PRCC: variants seen among roughly 807,000 people sequenced by gnomAD.
PRCC encodes proline-rich protein PRCC.
Under a neutral mutation model 44.0 loss-of-function variants are expected in PRCC, and 10 were observed. The ratio of observed to expected loss-of-function variants is 0.23; its 90% CI spans 0.14 to 0.39. PRCC has a LOEUF of 0.39. PRCC is among the 10% of genes least tolerant of loss of function. The pLI is 1.00. For missense variants in PRCC, 573 were observed against 624.7 expected (o/e 0.92, Z 0.88); for synonymous variants, 278 against 259.5 (o/e 1.07, Z -0.69).
At chr1:156,791,438 T>A in intron 3 of PRCC, 1 of 518,862 alleles carries the variant, frequency 1.9e-6, no homozygotes, top group Non-Finnish European at 3.5e-6. Context: ...GGAGAGACTG[T>A]CTTTGTTTCT....
chr1:156,787,501 GTT>G (rs143480655), intron 3 of PRCC, among the ~76,000 whole-genome samples: 1 of 117,464 alleles, frequency 8.5e-6, no homozygotes, highest in Non-Finnish European at 1.7e-5. Context: ...ATATATATCT[GTT>G]TTTTTTTCTT....
At chr1:156,787,214 A>C in intron 3 of PRCC, 40 bp downstream of exon 3, 1 of 1,551,098 alleles carries the variant, frequency 6.4e-7, no homozygotes, top group Non-Finnish European at 8.7e-7. Flanking sequence ...GGAATGTTGG[A>C]ACATGGTGGT....
chr1:156,781,243 GCA>G (rs1356425009), intron 1 of PRCC, among the ~76,000 whole-genome samples: 1 of 152,168 alleles, frequency 6.6e-6, no homozygotes, highest in Non-Finnish European at 1.5e-5. Context: ...ACAGTACTTA[GCA>G]CAGTGTCTTG....
At chr1:156,791,596 T>C (rs1652473683) in intron 3 of PRCC, 101 bp from the exon 4 acceptor site, 11 of 1,065,184 alleles carry the variant, frequency 1.0e-5, no homozygotes, top group African/African-American at 3.2e-5. Context: ...TATCTCACCA[T>C]TGCCTCTTTG....
chr1:156,795,285 G>GTTTTTTTTTTTTTTTT lies in PRCC; in HGVS notation c.1323+486_1323+501dup, dbSNP rs35911411. Among the ~76,000 whole-genome samples the GTTTTTTTTTTTTTTTT allele has an allele frequency of 2.2e-4, 8 of 36,062 alleles. 3 individuals carry two copies. Among genetic ancestry groups the GTTTTTTTTTTTTTTTT allele is most frequent in the African/African-American group, 8.4e-4 (6 of 7,174 alleles). The allele number at this position is 36,062 out of a possible 152,430, so 23.7% of individuals were successfully genotyped here. ...CTTCCAATTGTTTTCATTTTCTGGTGTTTTTTTTTTTTTTTTTTTTTTTTC... is the reference window on the plus strand; with the variant it reads ...CTTCCAATTGTTTTCATTTTCTGGTGTTTTTTTTTTTTTTTTTTTTTTTTTTTTTTTTTTTTTTTTC... On this transcript the variant is annotated intron_variant, in intron 5 of 6. Transcript: ENST00000271526.
chr1:156,793,215 G>T (rs1652551737), intron 4 of PRCC, among the ~76,000 whole-genome samples: 1 of 152,154 alleles, frequency 6.6e-6, no homozygotes. Flanking sequence ...TTCTTGGCAG[G>T]TTTGATAGTT....
chr1:156,794,235 A>T (rs1447100036), intron 4 of PRCC, among the ~76,000 whole-genome samples: 2 of 152,128 alleles, frequency 1.3e-5, no homozygotes, highest in African/African-American at 4.8e-5. Context: ...GGGATTACAG[A>T]TGTGAGCCAC....
intron 4 of PRCC, among the ~76,000 whole-genome samples, chr1:156,792,720 G>T (rs1652536031): frequency 1.3e-5 from 2 of 152,300 alleles, no homozygotes; most frequent in South Asian, 4.1e-4. Context: ...CTCCCAAAGT[G>T]CTGGGATTAC....
At chr1:156,775,013 C>T (rs1448095487) in intron 1 of PRCC, among the ~76,000 whole-genome samples, 5 of 150,476 alleles carry the variant, frequency 3.3e-5, no homozygotes, top group Non-Finnish European at 5.9e-5. Context: ...CTTTGGGAGG[C>T]TGAGGTGGGC....
intron 3 of PRCC, among the ~76,000 whole-genome samples, chr1:156,789,374 C>T (rs761743024): frequency 5.3e-5 from 8 of 152,104 alleles, no homozygotes; most frequent in Non-Finnish European, 1.0e-4. Flanking sequence ...AATCTGATGT[C>T]GGAGCTGGTG....
At chr1:156,789,793 G>A (rs4443882) in intron 3 of PRCC, among the ~76,000 whole-genome samples, 43,586 of 152,098 alleles carry the variant, frequency 0.29, 6,431 homozygotes, top group Middle Eastern at 0.35. Context: ...TTAGTTTAGC[G>A]TGGTGGTTCC....
chr1:156,777,203 C>T (rs542181880), intron 1 of PRCC, among the ~76,000 whole-genome samples: 14 of 152,116 alleles, frequency 9.2e-5, no homozygotes, highest in Non-Finnish European at 1.9e-4. Context: ...TCAGCTGTGT[C>T]GTGTGGGATC....
intron 1 of PRCC, among the ~76,000 whole-genome samples, chr1:156,779,588 C>G (rs1191605932): frequency 6.6e-6 from 1 of 151,954 alleles, no homozygotes; most frequent in Non-Finnish European, 1.5e-5. Context: ...AGGCTGGTCT[C>G]GAACTCCTGA....
intron 3 of PRCC, among the ~76,000 whole-genome samples, chr1:156,790,244 G>C (rs6700964): frequency 0.64 from 97,917 of 152,238 alleles, 31,980 homozygotes; most frequent in East Asian, 0.83. Context: ...AATTTTGTTT[G>C]CTAAATCTTT....
At chr1:156,782,021 A>G (rs1571582003) in intron 1 of PRCC, among the ~76,000 whole-genome samples, 1 of 152,342 alleles carries the variant, frequency 6.6e-6, no homozygotes, top group East Asian at 1.9e-4. Context: ...GATGCCAAAA[A>G]GGCTGTGCAA....
At position 156,779,242 on chromosome 1, in the gene PRCC, C is replaced by T. The variant is rs1651959209; in HGVS notation, c.469-3040C>T. Among the ~76,000 whole-genome samples, 3 of 146,562 alleles carry T rather than the reference C, an allele frequency of 2.0e-5. No homozygotes were observed. In the South Asian group the frequency reaches 6.6e-4, roughly 32 times the overall value. ...TGATTTTGGCTCACTGTAACTTCCA[C>T]CTCCCAGGCTCAAGCGATCCTCTCA... On this transcript the variant is annotated intron_variant, in intron 1 of 6. Coordinates refer to ENST00000271526, the MANE Select transcript of PRCC (RefSeq NM_005973.5).
chr1:156,787,479 ATATATATATATATATATATC>A (rs1652308702), intron 3 of PRCC, among the ~76,000 whole-genome samples: 2 of 6,128 alleles, frequency 3.3e-4, no homozygotes, highest in South Asian at 5.9e-3. Flanking sequence ...ATATATATAT[ATATATATATATATATATATC>A]TGTTTTTTTT....
Position 156,797,219 on chromosome 1 carries a change from A to G in PRCC, c.1324-57A>G, listed in dbSNP as rs370762296. The G allele has an allele frequency of 1.5e-4, 239 of 1,608,388 alleles. No individual in the cohort carries two copies. The African/African-American group carries it at 2.9e-3, about 19-fold the overall frequency. ...CCCTAACACCACACCATCTGGGCAC[A>G]TGAGAAACTTCTGCTTTCATCCTGT... On this transcript the variant is annotated intron_variant, in intron 5 of 6. Coordinates refer to ENST00000271526, the MANE Select transcript of PRCC (RefSeq NM_005973.5).
Position 156,787,048 on chromosome 1 carries a change from C to T in PRCC, c.957C>T (p.Ala319=), listed in dbSNP as rs147799976. 24 of 1,614,066 alleles carry T rather than the reference C, an allele frequency of 1.5e-5. No individual in the cohort carries two copies. In the African/African-American group the frequency reaches 2.7e-4, roughly 18 times the overall value. The change falls in exon 3 of 7, where the codon GCC becomes GCT. Residue 319 remains alanine (A), a synonymous_variant. Transcript: ENST00000271526. ...CTTTCCAGGACGATGCAGCCAATGC[C>T]CCCCTTGAATTCAAGATGGCAGCAG... ...EPAFQDDAAN[A]PLEFKMAAGS... is the part of the protein sequence containing the mutation.
Sources: allele counts gnomAD v4.1 joint callset (sites outside exome capture counted in the v4.1 genomes callset), GRCh38; gene constraint gnomAD v4.1.1; transcripts MANE v1.5; gene names NCBI Gene and HGNC (gene_info 2026-07-23, HGNC 2026-07-21).